Variants in HS3ST4 observed in about 807,000 individuals in gnomAD.
HS3ST4 encodes heparan sulfate-glucosamine 3-sulfotransferase 4, also known as heparan sulfate glucosamine 3-O-sulfotransferase 4.
In HS3ST4, 17 loss-of-function variants were observed where a neutral mutation model predicts 29.2. The observed-to-expected ratio is 0.58, with a 90% confidence interval of 0.40 to 0.87. The LOEUF (loss-of-function observed/expected upper bound fraction) is 0.87, where lower values mean the gene tolerates loss of function less well. HS3ST4 is among the 40% of genes least tolerant of loss of function. The pLI is 0.00. For missense variants in HS3ST4, 627 were observed against 634.5 expected, an observed-to-expected ratio of 0.99 and a Z score of 0.13; for synonymous variants, 314 against 285.7, an observed-to-expected ratio of 1.10 and a Z score of -1.00.
intron 1 of HS3ST4, among the ~76,000 whole-genome samples, chr16:25,698,054 A>T (rs1966310463): frequency 1.3e-5 from 2 of 152,032 alleles, no homozygotes; most frequent in Non-Finnish European, 2.9e-5. Context: ...AAAGTCCTGG[A>T]AAGTAATTGG....
rs192185692 is a variant in HS3ST4 at position 25,728,168 on chromosome 16, A to C, written c.734+35017A>C. ...AGGCACGCGCCATCACACCCAGCCA[A>C]TTTTTGTATTTTTAGTAGAGACAGG... On this transcript the variant is annotated intron_variant, in intron 1 of 1. Coordinates refer to ENST00000331351, the MANE Select transcript of HS3ST4 (RefSeq NM_006040.3). 1.2e-4 allele frequency among the ~76,000 whole-genome samples: 18 copies of C among 152,168 alleles called. No homozygotes were observed. In the East Asian group the frequency reaches 3.3e-3, roughly 28 times the overall value.
At chr16:25,914,047 TGGG>T (rs1968267066) in intron 1 of HS3ST4, among the ~76,000 whole-genome samples, 1 of 143,930 alleles carries the variant, frequency 6.9e-6, no homozygotes, top group African/African-American at 2.8e-5. Context: ...TATGTGTGTG[TGGG>T]GTGTGTGTGT....
intron 1 of HS3ST4, among the ~76,000 whole-genome samples, chr16:26,101,915 T>G (rs1051648899): frequency 1.3e-5 from 2 of 152,218 alleles, no homozygotes; most frequent in Admixed American, 1.3e-4. Flanking sequence ...TTGCGACTGT[T>G]TTGGGGTTAT....
intron 1 of HS3ST4, among the ~76,000 whole-genome samples, chr16:25,950,432 A>G (rs1968671783): frequency 6.6e-6 from 1 of 152,100 alleles, no homozygotes; most frequent in African/African-American, 2.4e-5. Context: ...TATTTGTTTA[A>G]ATGAATAATT....
At chr16:26,004,410 T>C (rs1969238872) in intron 1 of HS3ST4, among the ~76,000 whole-genome samples, 1 of 152,144 alleles carries the variant, frequency 6.6e-6, no homozygotes, top group South Asian at 2.1e-4. Context: ...TAGCATTTGG[T>C]GGAGAGATTT....
At chr16:25,860,951 G>T (rs772468889) in intron 1 of HS3ST4, among the ~76,000 whole-genome samples, 1 of 152,130 alleles carries the variant, frequency 6.6e-6, no homozygotes, top group Non-Finnish European at 1.5e-5. Context: ...AATGAGGGAG[G>T]CTGTATGTGG....
intron 1 of HS3ST4, among the ~76,000 whole-genome samples, chr16:26,113,470 A>ATGTGTGTG (rs55722050): frequency 0.13 from 16,619 of 131,818 alleles, 1,171 homozygotes; most frequent in East Asian, 0.18. Flanking sequence ...ACAATATATG[A>ATGTGTGTG]TGTGTGTGTG....
At chr16:26,125,062 A>G (rs139980281) in intron 1 of HS3ST4, among the ~76,000 whole-genome samples, 1 of 152,378 alleles carries the variant, frequency 6.6e-6, no homozygotes, top group East Asian at 1.9e-4. Flanking sequence ...GAAAAGCATC[A>G]CGAACATCAT....
intron 1 of HS3ST4, among the ~76,000 whole-genome samples, chr16:26,096,622 A>G (rs1898929692): frequency 6.6e-6 from 1 of 152,188 alleles, no homozygotes; most frequent in Admixed American, 6.5e-5. Flanking sequence ...ACTTATGACA[A>G]TCCCACAGCC....
chr16:25,695,445 A>G (rs1364273101), intron 1 of HS3ST4, among the ~76,000 whole-genome samples: 2 of 152,198 alleles, frequency 1.3e-5, no homozygotes, highest in Admixed American at 6.5e-5. Flanking sequence ...GTGTGCTGGG[A>G]CTGCTTTGGA....
intron 1 of HS3ST4, among the ~76,000 whole-genome samples, chr16:25,698,122 G>A (rs1475347028): frequency 2.0e-5 from 3 of 151,904 alleles, no homozygotes; most frequent in Admixed American, 1.3e-4. Context: ...TAAAGACAGG[G>A]GTCTCACTTT....
chr16:26,096,421 G>A (rs1373645990), intron 1 of HS3ST4, among the ~76,000 whole-genome samples: 5 of 152,146 alleles, frequency 3.3e-5, no homozygotes, highest in Non-Finnish European at 7.3e-5. Context: ...TTATCCCTGG[G>A]ATGCAAGGCT....
At chr16:25,799,442 G>T (rs939702507) in intron 1 of HS3ST4, among the ~76,000 whole-genome samples, 1 of 152,100 alleles carries the variant, frequency 6.6e-6, no homozygotes. Flanking sequence ...AGACATAAAT[G>T]AAAACAAAAT....
At chr16:26,043,047 T>C (rs928995739) in intron 1 of HS3ST4, among the ~76,000 whole-genome samples, 8 of 152,200 alleles carry the variant, frequency 5.3e-5, no homozygotes, top group African/African-American at 1.9e-4. Context: ...GTTGCTATTC[T>C]TCTTCTAAAG....
intron 1 of HS3ST4, among the ~76,000 whole-genome samples, chr16:25,725,377 T>G (rs1398398970): frequency 6.6e-6 from 1 of 152,174 alleles, no homozygotes; most frequent in African/African-American, 2.4e-5. Flanking sequence ...GTAAACATTG[T>G]ACATTATAAG....
chr16:25,724,266 A>G (rs1312312438), intron 1 of HS3ST4, among the ~76,000 whole-genome samples: 1 of 152,224 alleles, frequency 6.6e-6, no homozygotes, highest in Non-Finnish European at 1.5e-5. Flanking sequence ...TTCTTGTTCA[A>G]TGCTGAGCAA....
At chr16:25,799,433 G>T (rs1198934980) in intron 1 of HS3ST4, among the ~76,000 whole-genome samples, 3 of 152,098 alleles carry the variant, frequency 2.0e-5, no homozygotes, top group African/African-American at 7.2e-5. Flanking sequence ...AGAAATTACA[G>T]ACATAAATGA....
chr16:25,915,529 A>G (rs1463815006), intron 1 of HS3ST4, among the ~76,000 whole-genome samples: 1 of 152,204 alleles, frequency 6.6e-6, no homozygotes, highest in Non-Finnish European at 1.5e-5. Flanking sequence ...TTAAAGTAAA[A>G]TAATACCAAA....
At chr16:25,790,269 A>G (rs548107623) in intron 1 of HS3ST4, among the ~76,000 whole-genome samples, 5 of 152,030 alleles carry the variant, frequency 3.3e-5, no homozygotes, top group Admixed American at 6.6e-5. Flanking sequence ...AATTAGCTGG[A>G]TGTGATGGCA....
Sources: gnomAD v4.1 joint callset for allele counts (sites outside exome capture counted in the v4.1 genomes callset) on GRCh38, gnomAD v4.1.1 for gene constraint, MANE v1.5 for transcripts, NCBI Gene and HGNC (gene_info 2026-07-23, HGNC 2026-07-21) for gene names.